Variants in EXOC6B observed in about 807,000 individuals in gnomAD.
EXOC6B encodes exocyst complex component 6B, also known as SEC15 homolog B.
Under a neutral mutation model 113.5 loss-of-function variants are expected in EXOC6B, and 54 were observed. The ratio of observed to expected loss-of-function variants is 0.48; its 90% CI spans 0.38 to 0.60. The LOEUF (loss-of-function observed/expected upper bound fraction) is 0.60. EXOC6B is among the 20% of genes least tolerant of loss of function. EXOC6B has a pLI of 0.00. For synonymous variants in EXOC6B, 357 were observed against 339.0 expected (o/e 1.05, Z -0.58); for missense variants, 797 against 977.5 (o/e 0.82, Z 2.46).
Position 72,371,829 on chromosome 2 carries a change from G to C in EXOC6B, c.2122+7900C>G, listed in dbSNP as rs939464158. On this transcript the variant is annotated intron_variant, in intron 19 of 21. Transcript: ENST00000272427. Reference sequence around the variant, plus strand: ...TCAACATAGTACTGAAAGTCCTATAGAGCAATTAAACAAGAAAAAGAAAAA... The same window carrying C: ...TCAACATAGTACTGAAAGTCCTATACAGCAATTAAACAAGAAAAAGAAAAA... 1.2e-4 allele frequency among the ~76,000 whole-genome samples: 18 copies of C among 152,106 alleles called. No individual in the cohort carries two copies. The East Asian group carries it at 3.3e-3, about 28-fold the overall frequency.
chr2:72,318,705 G>A (rs1187814727), intron 20 of EXOC6B, among the ~76,000 whole-genome samples: 1 of 152,092 alleles, frequency 6.6e-6, no homozygotes, highest in Admixed American at 6.5e-5. Flanking sequence ...ATACAGTAAG[G>A]TTAAATTAGA....
rs575051016 is a variant in EXOC6B at position 72,581,179 on chromosome 2, T to C, written c.670-5511A>G. 2.6e-5 allele frequency among the ~76,000 whole-genome samples: 4 copies of C among 152,318 alleles called. No homozygotes were observed. In the East Asian group the frequency reaches 5.8e-4, roughly 22 times the overall value. On this transcript the variant is annotated intron_variant, in intron 6 of 21. Transcript: ENST00000272427. Reference sequence around the variant, plus strand: ...AATCAAGATAGGAAGAATCCAAAGATGCCACTTCAAGTCTCACCAAACAAA... The same window carrying C: ...AATCAAGATAGGAAGAATCCAAAGACGCCACTTCAAGTCTCACCAAACAAA...
At chr2:72,796,453 C>CAAAAA (rs61374385) in intron 1 of EXOC6B, among the ~76,000 whole-genome samples, 2 of 54,032 alleles carry the variant, frequency 3.7e-5, no homozygotes, top group Non-Finnish European at 7.6e-5. Context: ...ACTCCATCTC[C>CAAAAA]AAAAAAAAAA....
At chr2:72,296,484 A>G (rs1414687991) in intron 20 of EXOC6B, among the ~76,000 whole-genome samples, 1 of 152,230 alleles carries the variant, frequency 6.6e-6, no homozygotes, top group East Asian at 1.9e-4. Flanking sequence ...ACCCATATGT[A>G]TAGCATACAT....
At chr2:72,315,797 G>A (rs1210289787) in intron 20 of EXOC6B, among the ~76,000 whole-genome samples, 1 of 152,008 alleles carries the variant, frequency 6.6e-6, no homozygotes, top group Non-Finnish European at 1.5e-5. Context: ...GGGGCAATGG[G>A]GAAATCGGGA....
intron 6 of EXOC6B, among the ~76,000 whole-genome samples, chr2:72,676,519 T>A (rs1031141913): frequency 3.3e-5 from 5 of 152,178 alleles, no homozygotes; most frequent in Non-Finnish European, 5.9e-5. Context: ...AAAAAATACA[T>A]CTTTTAAGCA....
intron 11 of EXOC6B, among the ~76,000 whole-genome samples, chr2:72,501,929 G>GT: frequency 6.6e-6 from 1 of 151,420 alleles, no homozygotes; most frequent in South Asian, 2.1e-4. Flanking sequence ...CCTGGTTAAT[G>GT]TTTTTTTATT....
intron 1 of EXOC6B, among the ~76,000 whole-genome samples, chr2:72,779,943 G>A (rs1683928114): frequency 6.6e-6 from 1 of 152,128 alleles, no homozygotes; most frequent in African/African-American, 2.4e-5. Context: ...AGGCAAGTCT[G>A]AAAAAGAGAA....
At chr2:72,405,555 C>T (rs555507004) in intron 18 of EXOC6B, among the ~76,000 whole-genome samples, 1 of 152,318 alleles carries the variant, frequency 6.6e-6, no homozygotes, top group East Asian at 1.9e-4. Flanking sequence ...ATTCAACATT[C>T]TTACAGAAAA....
At chr2:72,508,332 C>T (rs887897657) in intron 11 of EXOC6B, among the ~76,000 whole-genome samples, 1 of 152,084 alleles carries the variant, frequency 6.6e-6, no homozygotes, top group Non-Finnish European at 1.5e-5. Flanking sequence ...ATTTACTGCA[C>T]AACCAAATTA....
intron 18 of EXOC6B, among the ~76,000 whole-genome samples, chr2:72,409,583 T>C (rs558114639): frequency 6.6e-6 from 1 of 152,282 alleles, no homozygotes; most frequent in South Asian, 2.1e-4. Context: ...TGGATGAAGC[T>C]GGAAACCATC....
At chr2:72,398,727 T>TACACACACACAC (rs60055732) in intron 18 of EXOC6B, among the ~76,000 whole-genome samples, 72 of 139,010 alleles carry the variant, frequency 5.2e-4, no homozygotes, top group African/African-American at 1.8e-3. Flanking sequence ...TCTCTCTGTC[T>TACACACACACAC]ACACACACAC....
At chr2:72,426,975 C>T (rs934973591) in intron 18 of EXOC6B, among the ~76,000 whole-genome samples, 6 of 152,214 alleles carry the variant, frequency 3.9e-5, no homozygotes, top group Middle Eastern at 3.2e-3. Context: ...TGCAGCCAGA[C>T]GGGATGGGCT....
At chr2:72,654,534 C>G (rs143931433) in intron 6 of EXOC6B, among the ~76,000 whole-genome samples, 54 of 152,218 alleles carry the variant, frequency 3.5e-4, no homozygotes, top group Middle Eastern at 3.4e-3. Flanking sequence ...TGGTTTTGTC[C>G]TGTTATTTTT....
intron 18 of EXOC6B, among the ~76,000 whole-genome samples, chr2:72,394,323 TC>T (rs1692585640): frequency 6.6e-6 from 1 of 152,160 alleles, no homozygotes; most frequent in African/African-American, 2.4e-5. Flanking sequence ...AAAATGTATT[TC>T]CTGTTCTGAA....
At chr2:72,591,519 C>G (rs1282178815) in intron 6 of EXOC6B, among the ~76,000 whole-genome samples, 1 of 152,100 alleles carries the variant, frequency 6.6e-6, no homozygotes, top group Non-Finnish European at 1.5e-5. Context: ...CAAAAAATGA[C>G]AGCAAAACGG....
intron 7 of EXOC6B, among the ~76,000 whole-genome samples, chr2:72,562,688 T>TA (rs1383886446): frequency 1.3e-5 from 2 of 152,170 alleles, no homozygotes; most frequent in Non-Finnish European, 2.9e-5. Context: ...CTATAACTGA[T>TA]AAGAGATAAC....
At chr2:72,572,128 G>C (rs1177313970) in intron 7 of EXOC6B, among the ~76,000 whole-genome samples, 1 of 151,990 alleles carries the variant, frequency 6.6e-6, no homozygotes, top group East Asian at 1.9e-4. Context: ...CCAGAAAAAA[G>C]TTTAAATCAT....
intron 20 of EXOC6B, among the ~76,000 whole-genome samples, chr2:72,225,977 C>T (rs1470325485): frequency 2.0e-5 from 3 of 152,152 alleles, no homozygotes; most frequent in Non-Finnish European, 4.4e-5. Flanking sequence ...TATAGTACTA[C>T]AGCAACAACC....
Sources: gnomAD v4.1 joint callset for allele counts (sites outside exome capture counted in the v4.1 genomes callset) on GRCh38, gnomAD v4.1.1 for gene constraint, MANE v1.5 for transcripts, NCBI Gene and HGNC (gene_info 2026-07-23, HGNC 2026-07-21) for gene names.